Variants in PTPRD observed in about 807,000 individuals in gnomAD.
The protein encoded by PTPRD is protein tyrosine phosphatase receptor type D.
In PTPRD, 34 loss-of-function variants were observed where a neutral mutation model predicts 214.5. That is an observed-to-expected ratio of 0.16 (90% confidence interval 0.12 to 0.21). The LOEUF (loss-of-function observed/expected upper bound fraction) is 0.21, where lower values mean the gene tolerates loss of function less well. Among genes scored for constraint, PTPRD ranks in the 10% least tolerant of loss-of-function variants. The pLI, the probability that PTPRD is intolerant of heterozygous loss-of-function variation, is 1.00. For missense variants in PTPRD, 2,545 were observed against 2,398.7 expected (o/e 1.06, Z -1.27); for synonymous variants, 1,128 against 845.7 (o/e 1.33, Z -5.79).
At chr9:10,571,110 G>C (rs971851187) in intron 2 of PTPRD, among the ~76,000 whole-genome samples, 1 of 151,954 alleles carries the variant, frequency 6.6e-6, no homozygotes, top group African/African-American at 2.4e-5. Flanking sequence ...CATTATATAT[G>C]ACATGCAGCA....
chr9:8,540,922 G>C (rs1330209238), intron 14 of PTPRD, among the ~76,000 whole-genome samples: 1 of 152,122 alleles, frequency 6.6e-6, no homozygotes, highest in Non-Finnish European at 1.5e-5. Context: ...AACTGTGGTA[G>C]GTATTTGTTT....
chr9:8,393,208 C>G (rs891387615), intron 36 of PTPRD, among the ~76,000 whole-genome samples: 1 of 152,080 alleles, frequency 6.6e-6, no homozygotes, highest in South Asian at 2.1e-4. Context: ...AAATGATTTG[C>G]TTCTGCTAAT....
At chr9:10,022,546 C>G (rs1262065276) in intron 4 of PTPRD, among the ~76,000 whole-genome samples, 1 of 152,120 alleles carries the variant, frequency 6.6e-6, no homozygotes, top group African/African-American at 2.4e-5. Flanking sequence ...AATGGCATTA[C>G]ATTTCAGCAA....
chr9:8,445,086 A>T (rs1334722571), intron 34 of PTPRD, among the ~76,000 whole-genome samples: 1 of 152,086 alleles, frequency 6.6e-6, no homozygotes, highest in African/African-American at 2.4e-5. Context: ...TCTTTTACTT[A>T]TTTTGCCCAT....
chr9:9,847,989 G>A (rs1042288067), intron 5 of PTPRD, among the ~76,000 whole-genome samples: 1 of 152,126 alleles, frequency 6.6e-6, no homozygotes, highest in East Asian at 1.9e-4. Context: ...CAAAGGCAGT[G>A]GCAGTCCATG....
intron 3 of PTPRD, among the ~76,000 whole-genome samples, chr9:10,316,153 A>G (rs2096418512): frequency 7.1e-6 from 1 of 141,454 alleles, no homozygotes; most frequent in South Asian, 2.2e-4. Context: ...ACATATGTAT[A>G]TATGTATATC....
At chr9:9,282,267 C>T (rs989920872) in intron 9 of PTPRD, among the ~76,000 whole-genome samples, 1 of 151,042 alleles carries the variant, frequency 6.6e-6, no homozygotes, top group Non-Finnish European at 1.5e-5. Context: ...TTGATGCTAC[C>T]AAATGTACCA....
rs770481358 is a variant in PTPRD at position 8,317,937 on chromosome 9, T to C, written c.5676A>G (p.Gln1892=). 1.7e-5 allele frequency: 28 copies of C among 1,611,670 alleles called. No individual in the cohort carries two copies. The highest frequency in any genetic ancestry group is 6.7e-5 in the African/African-American group (5 of 74,692). Residue 1892 remains glutamine, a synonymous_variant, in exon 46 of 46, where the codon CAA becomes CAG. Coordinates refer to ENST00000381196, the MANE Select transcript of PTPRD (RefSeq NM_002839.4). ...QRPAMVQTED[Q]YQFSYRAALE... is the part of the protein sequence containing the mutation. The stretch of plus-strand genomic sequence containing the variant: ...GTGCGGCACGATAGGAAAACTGATA[T>C]TGATCCTGCAGGAGACAATGAATGG...
chr9:9,355,922 A>C (rs1473068254), intron 9 of PTPRD, among the ~76,000 whole-genome samples: 1 of 151,494 alleles, frequency 6.6e-6, no homozygotes, highest in Non-Finnish European at 1.5e-5. Context: ...TAGAAAAATG[A>C]TTAAAGAGGA....
At chr9:8,335,294 A>G (rs899738338) in intron 43 of PTPRD, among the ~76,000 whole-genome samples, 1 of 151,734 alleles carries the variant, frequency 6.6e-6, no homozygotes, top group Non-Finnish European at 1.5e-5. Context: ...CTTATCCACC[A>G]CGATCAAGTC....
rs576888984 is a variant in PTPRD at position 9,494,981 on chromosome 9, A to G, written c.-237+79751T>C. 3.9e-5 allele frequency among the ~76,000 whole-genome samples: 6 copies of G among 152,322 alleles called. No homozygotes were observed. In the South Asian group the frequency reaches 1.0e-3, roughly 26 times the overall value. ...AAAAACAAGATGCTTAGACCAATGG[A>G]TAGAAAAGAGAGCTCAGAAATAAAC... On this transcript the variant is annotated intron_variant, in intron 8 of 45. Transcript: ENST00000381196.
chr9:10,395,912 G>A (rs10959090), intron 2 of PTPRD, among the ~76,000 whole-genome samples: 85,025 of 150,298 alleles, frequency 0.57, 26,084 homozygotes, highest in Non-Finnish European at 0.71. Context: ...AGTAGCAGAG[G>A]AAGAAGAAGG....
chr9:8,680,508 A>G (rs2097530597), intron 12 of PTPRD, among the ~76,000 whole-genome samples: 1 of 152,192 alleles, frequency 6.6e-6, no homozygotes, highest in Non-Finnish European at 1.5e-5. Flanking sequence ...AGCCTGTATC[A>G]TTTCAGAACC....
intron 12 of PTPRD, chr9:8,700,886 T>C (rs1458297499): frequency 6.6e-6 from 1 of 152,144 alleles, no homozygotes; most frequent in Non-Finnish European, 1.5e-5. Flanking sequence ...AATTTTTTCA[T>C]GAAAGTAAAA....
intron 11 of PTPRD, among the ~76,000 whole-genome samples, chr9:8,754,080 G>C (rs1020938032): frequency 2.0e-5 from 3 of 152,144 alleles, no homozygotes; most frequent in African/African-American, 7.2e-5. Context: ...GGGAGGCAGA[G>C]GGTGCAGTGA....
intron 11 of PTPRD, among the ~76,000 whole-genome samples, chr9:8,751,930 T>G (rs12339313): frequency 6.6e-6 from 1 of 152,146 alleles, no homozygotes; most frequent in Non-Finnish European, 1.5e-5. Context: ...CCTTCCTGGA[T>G]TGACCTTTCT....
intron 43 of PTPRD, among the ~76,000 whole-genome samples, chr9:8,335,375 G>C (rs1845617568): frequency 1.3e-5 from 2 of 151,636 alleles, no homozygotes; most frequent in Admixed American, 1.3e-4. Flanking sequence ...CACATACACA[G>C]AACCAATGAC....
chr9:8,820,366 G>C (rs913468747), intron 11 of PTPRD, among the ~76,000 whole-genome samples: 2 of 151,980 alleles, frequency 1.3e-5, no homozygotes, highest in African/African-American at 2.4e-5. Flanking sequence ...TTTAATATGA[G>C]GAAGAGAGTC....
chr9:8,540,348 C>A (rs1347210543), intron 14 of PTPRD, among the ~76,000 whole-genome samples: 1 of 152,000 alleles, frequency 6.6e-6, no homozygotes, highest in Admixed American at 6.6e-5. Context: ...ACTGTTATTA[C>A]CAATTTCACA....
Sources: gnomAD v4.1 joint callset for allele counts (sites outside exome capture counted in the v4.1 genomes callset) on GRCh38, gnomAD v4.1.1 for gene constraint, MANE v1.5 for transcripts, NCBI Gene and HGNC (gene_info 2026-07-23, HGNC 2026-07-21) for gene names.